INPP5A: variants seen among roughly 807,000 people sequenced by gnomAD.
INPP5A encodes inositol polyphosphate-5-phosphatase A, also known as 43 kDa inositol polyphosphate 5-phophatase.
INPP5A carries 14 observed loss-of-function variants against 65.2 expected under a neutral mutation model. The ratio of observed to expected loss-of-function variants is 0.21; its 90% CI spans 0.14 to 0.34. The LOEUF (loss-of-function observed/expected upper bound fraction) is 0.34. Among genes scored for constraint, INPP5A ranks in the 10% least tolerant of loss-of-function variants. The probability of loss-of-function intolerance (pLI) is 1.00; values close to 1 mark genes in which losing one functional copy is unlikely to be tolerated. For missense variants in INPP5A, 431 were observed against 545.6 expected, an observed-to-expected ratio of 0.79 and a Z score of 2.09; for synonymous variants, 207 against 208.3, an observed-to-expected ratio of 0.99 and a Z score of 0.05.
chr10:132,689,176 G>T lies in INPP5A; in HGVS notation c.307-1216G>T, dbSNP rs554979676. On this transcript the variant is annotated intron_variant, in intron 4 of 15. Transcript: ENST00000368594. ...ACAGACACAGTGAGGGATGCACCACGCCCTGTGCTTTCAGCTGAGGACAGG... is the reference window on the plus strand; with the variant it reads ...ACAGACACAGTGAGGGATGCACCACTCCCTGTGCTTTCAGCTGAGGACAGG... 3.3e-5 allele frequency among the ~76,000 whole-genome samples: 5 copies of T among 152,320 alleles called. No individual in the cohort carries two copies. In the East Asian group the frequency reaches 9.7e-4, roughly 29 times the overall value.
chr10:132,670,913 G>A (rs2072882014), intron 4 of INPP5A, among the ~76,000 whole-genome samples: 1 of 150,972 alleles, frequency 6.6e-6, no homozygotes, highest in East Asian at 2.0e-4. Flanking sequence ...GTGCCAAAGT[G>A]GAGAAACTGC....
At chr10:132,680,521 G>A (rs1176939066) in intron 4 of INPP5A, among the ~76,000 whole-genome samples, 2 of 152,240 alleles carry the variant, frequency 1.3e-5, no homozygotes, top group African/African-American at 4.8e-5. Context: ...GCCCTCGCTC[G>A]CTCTCGGCGC....
chr10:132,668,109 G>T (rs973123490), intron 4 of INPP5A, among the ~76,000 whole-genome samples: 1 of 152,148 alleles, frequency 6.6e-6, no homozygotes, highest in Non-Finnish European at 1.5e-5. Context: ...TCAGTTTTTT[G>T]AGTGTACTGG....
chr10:132,700,744 T>G (rs1316556632), intron 6 of INPP5A, among the ~76,000 whole-genome samples: 1 of 152,256 alleles, frequency 6.6e-6, no homozygotes, highest in Non-Finnish European at 1.5e-5. Context: ...CTTTCTTTTA[T>G]TACCATCACT....
At chr10:132,726,255 G>A (rs2134580388) in intron 8 of INPP5A, among the ~76,000 whole-genome samples, 1 of 152,366 alleles carries the variant, frequency 6.6e-6, no homozygotes, top group East Asian at 1.9e-4. Context: ...TCCGAGTGGA[G>A]ATCATATGTA....
chr10:132,766,856 CGGCCTCAGGGAGCCTGGGTGGGAGCT>C (rs1846854760), intron 12 of INPP5A, among the ~76,000 whole-genome samples: 7 of 138,756 alleles, frequency 5.0e-5, no homozygotes, highest in East Asian at 5.1e-4. Flanking sequence ...GCTGGAGGTG[CGGCCTCAGGGAGCCTGGGTGGGAGCT>C]GGAGGATGCG....
At chr10:132,574,637 T>G (rs1424983309) in intron 1 of INPP5A, among the ~76,000 whole-genome samples, 1 of 134,314 alleles carries the variant, frequency 7.4e-6, no homozygotes, top group Non-Finnish European at 1.6e-5. Flanking sequence ...TGTATTTTAT[T>G]TTATTTTATT....
intron 4 of INPP5A, among the ~76,000 whole-genome samples, chr10:132,682,921 C>T (rs138258788): frequency 6.8e-5 from 9 of 131,608 alleles, no homozygotes; most frequent in African/African-American, 1.2e-4. Context: ...TCCTATGTGG[C>T]GGGCACGTGT....
chr10:132,713,814 C>A (rs575537016), intron 8 of INPP5A, among the ~76,000 whole-genome samples: 1 of 152,268 alleles, frequency 6.6e-6, no homozygotes, highest in South Asian at 2.1e-4. Context: ...TCGGTCTGAG[C>A]CTGGGGACTG....
intron 11 of INPP5A, among the ~76,000 whole-genome samples, chr10:132,750,938 G>T (rs1466848113): frequency 6.6e-6 from 1 of 152,218 alleles, no homozygotes; most frequent in African/African-American, 2.4e-5. Context: ...GGCCAGCCAG[G>T]TGTCTGTGTG....
At chr10:132,589,672 G>T (rs761728046) in intron 1 of INPP5A, among the ~76,000 whole-genome samples, 1 of 152,262 alleles carries the variant, frequency 6.6e-6, no homozygotes, top group East Asian at 1.9e-4. Context: ...GGCCCAGGCA[G>T]TGCTTGGTGA....
intron 2 of INPP5A, among the ~76,000 whole-genome samples, chr10:132,628,463 C>CGGGGGGGGGGGGGGG (rs55668291): frequency 1.4e-3 from 32 of 23,282 alleles, no homozygotes; most frequent in East Asian, 6.6e-3. Flanking sequence ...GCTCTGGTGG[C>CGGGGGGGGGGGGGGG]GGGGGGGGGG....
intron 1 of INPP5A, among the ~76,000 whole-genome samples, chr10:132,606,328 C>T (rs948622710): frequency 2.0e-5 from 3 of 147,908 alleles, no homozygotes; most frequent in East Asian, 2.0e-4. Flanking sequence ...CCCCTCCTGC[C>T]GGGTCCTCAG....
At chr10:132,773,067 A>G (rs1278004074) in intron 12 of INPP5A, among the ~76,000 whole-genome samples, 1 of 152,220 alleles carries the variant, frequency 6.6e-6, no homozygotes, top group Admixed American at 6.5e-5. Context: ...ATCACCTCCC[A>G]CCGCCCTCCC....
intron 2 of INPP5A, among the ~76,000 whole-genome samples, chr10:132,615,932 G>T (rs2072025723): frequency 6.6e-6 from 1 of 152,210 alleles, no homozygotes; most frequent in South Asian, 2.1e-4. Flanking sequence ...CTGAGAGGCT[G>T]CGACCTTCAT....
intron 9 of INPP5A, among the ~76,000 whole-genome samples, chr10:132,749,095 C>G (rs1846423208): frequency 6.6e-6 from 1 of 152,276 alleles, no homozygotes; most frequent in Admixed American, 6.5e-5. Context: ...CAGCCCTTGC[C>G]CGTTGTCACA....
chr10:132,660,781 G>A (rs1564953610), intron 4 of INPP5A, among the ~76,000 whole-genome samples: 1 of 152,220 alleles, frequency 6.6e-6, no homozygotes, highest in Non-Finnish European at 1.5e-5. Flanking sequence ...CAGAACTGGG[G>A]GAAGATGGAG....
intron 1 of INPP5A, among the ~76,000 whole-genome samples, chr10:132,540,285 TTGA>T (rs75473158): frequency 0.064 from 9,742 of 152,328 alleles, 472 homozygotes; most frequent in East Asian, 0.22. Context: ...TTTATCTCTG[TTGA>T]TATTAAATTG....
intron 8 of INPP5A, among the ~76,000 whole-genome samples, chr10:132,716,786 G>C (rs1006551870): frequency 6.6e-6 from 1 of 152,240 alleles, no homozygotes; most frequent in African/African-American, 2.4e-5. Flanking sequence ...CTCAGAGTGA[G>C]AAAAACAAAA....
Sources: gnomAD v4.1 joint callset for allele counts (sites outside exome capture counted in the v4.1 genomes callset) on GRCh38, gnomAD v4.1.1 for gene constraint, MANE v1.5 for transcripts, NCBI Gene and HGNC (gene_info 2026-07-23, HGNC 2026-07-21) for gene names.